EXOSC6: variants seen among roughly 807,000 people sequenced by gnomAD.
EXOSC6 encodes exosome component 6.
A neutral mutation model predicts 16.7 loss-of-function variants in EXOSC6; 21 were observed. The observed-to-expected ratio is 1.26, with a 90% CI of 0.89 to 1.82. The LOEUF is 1.82. Ranked by LOEUF, EXOSC6 falls within the 40% of genes most tolerant of loss-of-function variation. The pLI is 0.00. For missense variants in EXOSC6, 538 were observed against 415.7 expected, an observed-to-expected ratio of 1.29 and a Z score of -2.56; for synonymous variants, 297 against 217.1, an observed-to-expected ratio of 1.37 and a Z score of -3.24.
rs1277010694 is a variant in EXOSC6 at position 70,247,840 on chromosome 16, A to C, written c.*3242T>G. 6.6e-6 allele frequency: 1 copy of C among 152,226 alleles called. No homozygotes were observed. The allele number at this position is 152,226 out of a possible 1,614,324, so 9.4% of individuals were successfully genotyped here. On this transcript the variant is annotated 3_prime_UTR_variant, in exon 1 of 1. Coordinates refer to ENST00000435634, the MANE Select transcript of EXOSC6 (RefSeq NM_058219.3). ...GAGGACGAGGCAGGTGGATCACTTG[A>C]GGTCAGGAGTTCAAGACCAGTCTGG... is the stretch of plus-strand genomic sequence containing the variant.
In EXOSC6 at chr16:70,251,820, C is replaced by T; in HGVS notation, c.81G>A (p.Ala27=). The change falls in exon 1 of 1, where the codon GCG becomes GCA. Residue 27 remains alanine (A), a synonymous_variant. Transcript: ENST00000435634. The part of the protein sequence containing the change: ...PQLYAADEEE[A]PGTRDPTRLR... ...GCCGCGTTGGGTCGCGGGTGCCGGGCGCCTCCTCCTCGTCGGCCGCGTACA... is the reference window on the plus strand; with the variant it reads ...GCCGCGTTGGGTCGCGGGTGCCGGGTGCCTCCTCCTCGTCGGCCGCGTACA... 2 of 1,530,620 alleles carry T rather than the reference C, an allele frequency of 1.3e-6. No homozygotes were observed. Among genetic ancestry groups the T allele is most frequent in the Non-Finnish European group, 1.7e-6 (2 of 1,149,364 alleles). 94.8% of individuals were successfully genotyped at this position (1,530,620 alleles called of 1,614,324 possible).
In EXOSC6 at chr16:70,250,722, G is replaced by A. The variant is rs1597430105; in HGVS notation, c.*360C>T. ...GAAGAAAAGAAAATTAGCCAGGTGT[G>A]GTTGCATGCACCTGTAGTCCCAGCA... On this transcript the variant is annotated 3_prime_UTR_variant, in exon 1 of 1. Coordinates refer to ENST00000435634, the MANE Select transcript of EXOSC6 (RefSeq NM_058219.3). The A allele has an allele frequency of 4.1e-6, 1 of 245,748 alleles. No homozygotes were observed. Among genetic ancestry groups the A allele is most frequent in the African/African-American group, 2.3e-5 (1 of 43,650 alleles). 15.2% of individuals were successfully genotyped at this position (245,748 alleles called of 1,614,324 possible).
rs1469033315 is a variant in EXOSC6 at position 70,248,833 on chromosome 16, C to A, written c.*2249G>T. 2 of 124,862 alleles carry A rather than the reference C, an allele frequency of 1.6e-5. No homozygotes were observed. The highest frequency in any genetic ancestry group is 2.0e-4 in the Admixed American group (2 of 9,814). The allele number at this position is 124,862 out of a possible 1,614,324, so 7.7% of individuals were successfully genotyped here. A position where few individuals can be genotyped will look rare whatever the true frequency, so the allele number is the denominator to read the frequency against. On this transcript the variant is annotated 3_prime_UTR_variant, in exon 1 of 1. Coordinates refer to ENST00000435634, the MANE Select transcript of EXOSC6 (RefSeq NM_058219.3). ...GTTTCACCTTGTTGCCCAGGCTGGT[C>A]TCAAACTCCTGGACTCAGGCGATTC...
chr16:70,249,534 G>A lies in EXOSC6; in HGVS notation c.*1548C>T, dbSNP rs1959760345. ...TTTGGGGCACGTTAGCAAACCAAAA[G>A]GCTCAGAAAGACGTCGTGATATTTA... On this transcript the variant is annotated 3_prime_UTR_variant, in exon 1 of 1. Coordinates refer to ENST00000435634, the MANE Select transcript of EXOSC6 (RefSeq NM_058219.3). 6.6e-6 allele frequency: 1 copy of A among 152,186 alleles called. No homozygotes were observed. The highest frequency in any genetic ancestry group is 1.9e-4 in the East Asian group (1 of 5,206). The allele number at this position is 152,186 out of a possible 1,614,324, so 9.4% of individuals were successfully genotyped here.
Position 70,251,181 on chromosome 16 carries a change from G to C in EXOSC6, c.720C>G (p.Ala240=). The change falls in exon 1 of 1, where the codon GCC becomes GCG. Residue 240 remains alanine, a synonymous_variant. Coordinates refer to ENST00000435634, the MANE Select transcript of EXOSC6 (RefSeq NM_058219.3). The stretch of plus-strand genomic sequence containing the variant: ...GGCAGCCCTCGAGGCCCAGGCGTAC[G>C]GCCTCCGCCCAGCTCTCTGTCAGGC... ...EGGLTESWAE[A]VRLGLEGCQR... 1.3e-6 allele frequency: 2 copies of C among 1,523,682 alleles called. No homozygotes were observed. The highest frequency in any genetic ancestry group is 1.7e-6 in the Non-Finnish European group (2 of 1,144,268). 94.4% of individuals were successfully genotyped at this position (1,523,682 alleles called of 1,614,324 possible). A position where few individuals can be genotyped will look rare whatever the true frequency, so the allele number is the denominator to read the frequency against.
rs577760743 is a variant in EXOSC6 at position 70,249,523 on chromosome 16, G to A, written c.*1559C>T. 1.4e-4 allele frequency: 21 copies of A among 152,276 alleles called. No individual in the cohort carries two copies. The highest frequency in any genetic ancestry group is 1.2e-3 in the Admixed American group (18 of 15,298). 9.4% of individuals were successfully genotyped at this position (152,276 alleles called of 1,614,324 possible). A position where few individuals can be genotyped will look rare whatever the true frequency, so the allele number is the denominator to read the frequency against. ...TGGAATAAGAATTTGGGGCACGTTA[G>A]CAAACCAAAAGGCTCAGAAAGACGT... On this transcript the variant is annotated 3_prime_UTR_variant, in exon 1 of 1. Coordinates refer to ENST00000435634, the MANE Select transcript of EXOSC6 (RefSeq NM_058219.3).
In EXOSC6 at chr16:70,250,921, A is replaced by C. The variant is rs1959799285; in HGVS notation, c.*161T>G. 1.1e-6 allele frequency: 1 copy of C among 895,386 alleles called. No homozygotes were observed. The highest frequency in any genetic ancestry group is 2.6e-5 in the South Asian group (1 of 38,900). The allele number at this position is 895,386 out of a possible 1,614,324, so 55.5% of individuals were successfully genotyped here. ...TCATTCCAAGTAGTCCCTGCTCCAG[A>C]CCAAGTCCCACCATCTGGCAGTCAG... On this transcript the variant is annotated 3_prime_UTR_variant, in exon 1 of 1. Transcript: ENST00000435634.
rs1959730689 is a variant in EXOSC6, at chr16:70,248,197, T to C, written c.*2885A>G. ...ATTTGAATATAGAACACATATGTAA[T>C]AAAATTCATTTTCTTAGGTATGATT... On this transcript the variant is annotated 3_prime_UTR_variant, in exon 1 of 1. Transcript: ENST00000435634. The C allele has an allele frequency of 6.6e-6, 1 of 152,164 alleles. No individual in the cohort carries two copies. The allele number at this position is 152,164 out of a possible 1,614,324, so 9.4% of individuals were successfully genotyped here.
Position 70,247,808 on chromosome 16 carries a change from A to C in EXOSC6, c.*3274T>G, listed in dbSNP as rs1318958138. Reference sequence around the variant, plus strand: ...AGTGGCTCACACCTGTAACCCCAGCACTTTGGGAGGACGAGGCAGGTGGAT... The same window carrying C: ...AGTGGCTCACACCTGTAACCCCAGCCCTTTGGGAGGACGAGGCAGGTGGAT... On this transcript the variant is annotated 3_prime_UTR_variant, in exon 1 of 1. Transcript: ENST00000435634. The C allele has an allele frequency of 6.6e-6, 1 of 152,256 alleles. No individual in the cohort carries two copies. The highest frequency in any genetic ancestry group is 1.9e-4 in the East Asian group (1 of 5,206). The allele number at this position is 152,256 out of a possible 1,614,324, so 9.4% of individuals were successfully genotyped here. A position where few individuals can be genotyped will look rare whatever the true frequency, so the allele number is the denominator to read the frequency against.
rs892868527 is a variant in EXOSC6 at position 70,249,555 on chromosome 16, A to G, written c.*1527T>C. The G allele has an allele frequency of 1.3e-5, 2 of 152,210 alleles. No homozygotes were observed. The highest frequency in any genetic ancestry group is 1.5e-5 in the Non-Finnish European group (1 of 68,044). The allele number at this position is 152,210 out of a possible 1,614,324, so 9.4% of individuals were successfully genotyped here. On this transcript the variant is annotated 3_prime_UTR_variant, in exon 1 of 1. Coordinates refer to ENST00000435634, the MANE Select transcript of EXOSC6 (RefSeq NM_058219.3). Reference sequence around the variant, plus strand: ...AAAAGGCTCAGAAAGACGTCGTGATATTTAGTTCTTGTCTCCCTCTACAAA... The same window carrying G: ...AAAAGGCTCAGAAAGACGTCGTGATGTTTAGTTCTTGTCTCCCTCTACAAA...
In EXOSC6 at chr16:70,251,750, C is replaced by G. The variant is rs1426121508; in HGVS notation, c.151G>C (p.Gly51Arg). The change falls in exon 1 of 1, where the codon GGC (glycine) becomes CGC (arginine). Residue 51 changes from glycine to arginine, a missense_variant. Coordinates refer to ENST00000435634, the MANE Select transcript of EXOSC6 (RefSeq NM_058219.3). The part of the protein sequence containing the change: ...ARAGLLSQAK[G>R]SAYLEAGGTK... ...CCTCCCGCCTCCAGGTAGGCCGAGC[C>G]CTTGGCCTGGCTCAGCAGCCCGGCG... 2 of 1,423,860 alleles carry G rather than the reference C, an allele frequency of 1.4e-6. No homozygotes were observed. The highest frequency in any genetic ancestry group is 1.5e-5 in the African/African-American group (1 of 66,368). 88.2% of individuals were successfully genotyped at this position (1,423,860 alleles called of 1,614,324 possible). A position where few individuals can be genotyped will look rare whatever the true frequency, so the allele number is the denominator to read the frequency against.
Position 70,251,726 on chromosome 16 carries a change from C to T in EXOSC6, c.175G>A (p.Gly59Ser). 1.4e-6 allele frequency: 2 copies of T among 1,392,980 alleles called. No homozygotes were observed. Among genetic ancestry groups the T allele is most frequent in the South Asian group, 1.6e-5 (1 of 62,962 alleles). 86.3% of individuals were successfully genotyped at this position (1,392,980 alleles called of 1,614,324 possible). A position where few individuals can be genotyped will look rare whatever the true frequency, so the allele number is the denominator to read the frequency against. The change falls in exon 1 of 1, where the codon GGC (glycine) becomes AGC (serine). Residue 59 changes from glycine (G) to serine (S), a missense_variant. By Grantham distance (56) the Gly-to-Ser change is moderately conservative. Transcript: ENST00000435634. The part of the protein sequence containing the change: ...AKGSAYLEAG[G>S]TKVLCAVSGP... Reference sequence around the variant, plus strand: ...GACACGGCACACAGCACCTTGGTGCCTCCCGCCTCCAGGTAGGCCGAGCCC... The same window carrying T: ...GACACGGCACACAGCACCTTGGTGCTTCCCGCCTCCAGGTAGGCCGAGCCC...
In EXOSC6 at chr16:70,247,546, AAAATT is replaced by A. The variant is rs1959718745; in HGVS notation, c.*3531_*3535del. On this transcript the variant is annotated 3_prime_UTR_variant, in exon 1 of 1. Coordinates refer to ENST00000435634, the MANE Select transcript of EXOSC6 (RefSeq NM_058219.3). ...ACTATATTAGTACTTGCTTCACATT[AAAATT>A]AAAGATCAGTATGGCACCACACATG... The A allele has an allele frequency of 6.6e-6, 1 of 152,218 alleles. No individual in the cohort carries two copies. Among genetic ancestry groups the A allele is most frequent in the Admixed American group, 6.5e-5 (1 of 15,282 alleles). The allele number at this position is 152,218 out of a possible 1,614,324, so 9.4% of individuals were successfully genotyped here. A position where few individuals can be genotyped will look rare whatever the true frequency, so the allele number is the denominator to read the frequency against.
At position 70,251,184 on chromosome 16, in the gene EXOSC6, C is replaced by T; in HGVS notation, c.717G>A (p.Glu239=). The change falls in exon 1 of 1, where the codon GAG becomes GAA. Residue 239 remains glutamate, a synonymous_variant. Transcript: ENST00000435634. The part of the protein sequence containing the change: ...GEGGLTESWA[E]AVRLGLEGCQ... ...AGCCCTCGAGGCCCAGGCGTACGGCCTCCGCCCAGCTCTCTGTCAGGCCGC... is the reference window on the plus strand; with the variant it reads ...AGCCCTCGAGGCCCAGGCGTACGGCTTCCGCCCAGCTCTCTGTCAGGCCGC... 2.6e-6 allele frequency: 4 copies of T among 1,519,482 alleles called. No individual in the cohort carries two copies. Among genetic ancestry groups the T allele is most frequent in the Non-Finnish European group, 3.5e-6 (4 of 1,141,872 alleles). The allele number at this position is 1,519,482 out of a possible 1,614,324, so 94.1% of individuals were successfully genotyped here.
In EXOSC6 at chr16:70,250,665, TCA is replaced by T. The variant is rs1491175317; in HGVS notation, c.*415_*416del. The T allele has an allele frequency of 4.9e-5, 1 of 20,556 alleles. No individual in the cohort carries two copies. Among genetic ancestry groups the T allele is most frequent in the East Asian group, 1.2e-3 (1 of 868 alleles). 1.3% of individuals were successfully genotyped at this position (20,556 alleles called of 1,614,324 possible). On this transcript the variant is annotated 3_prime_UTR_variant, in exon 1 of 1. Transcript: ENST00000435634. ...GCCTGGGCAACAGAACAAGACTCCATCAAAAAAAAAAAAAAAAAAAAAAGAAA... is the reference window on the plus strand; with the variant it reads ...GCCTGGGCAACAGAACAAGACTCCATAAAAAAAAAAAAAAAAAAAAAGAAA...
At position 70,250,062 on chromosome 16, in the gene EXOSC6, G is replaced by T. The variant is rs1226398038; in HGVS notation, c.*1020C>A. The T allele has an allele frequency of 6.6e-6, 1 of 152,116 alleles. No individual in the cohort carries two copies. Among genetic ancestry groups the T allele is most frequent in the Non-Finnish European group, 1.5e-5 (1 of 68,026 alleles). The allele number at this position is 152,116 out of a possible 1,614,324, so 9.4% of individuals were successfully genotyped here. A position where few individuals can be genotyped will look rare whatever the true frequency, so the allele number is the denominator to read the frequency against. Reference sequence around the variant, plus strand: ...ATGGAATGAATACAACTTGCTGGAAGTTCTTAGGAAACAAAATGACTATTC... The same window carrying T: ...ATGGAATGAATACAACTTGCTGGAATTTCTTAGGAAACAAAATGACTATTC... On this transcript the variant is annotated 3_prime_UTR_variant, in exon 1 of 1. Coordinates refer to ENST00000435634, the MANE Select transcript of EXOSC6 (RefSeq NM_058219.3).
chr16:70,251,908 C>T lies in EXOSC6; in HGVS notation c.-8G>A, dbSNP rs527466660. ...GCGGTGATCCCCAGGCATGGCGGTT[C>T]TTGGCGTGCGAACCCCTTCCGCCCA... On this transcript the variant is annotated 5_prime_UTR_variant, in exon 1 of 1. Transcript: ENST00000435634. 2 of 1,516,134 alleles carry T rather than the reference C, an allele frequency of 1.3e-6. No homozygotes were observed. Among genetic ancestry groups the T allele is most frequent in the Middle Eastern group, 2.0e-4 (1 of 5,050 alleles). 93.9% of individuals were successfully genotyped at this position (1,516,134 alleles called of 1,614,324 possible). A position where few individuals can be genotyped will look rare whatever the true frequency, so the allele number is the denominator to read the frequency against.
At position 70,247,365 on chromosome 16, in the gene EXOSC6, C is replaced by G. The variant is rs1200442182; in HGVS notation, c.*3717G>C. ...TGTTAACATTAGTCCTTAATAACATCTGTTTACAATATCCCTAAATGCTCT... is the reference window on the plus strand; with the variant it reads ...TGTTAACATTAGTCCTTAATAACATGTGTTTACAATATCCCTAAATGCTCT... On this transcript the variant is annotated 3_prime_UTR_variant, in exon 1 of 1. Transcript: ENST00000435634. 6.6e-6 allele frequency: 1 copy of G among 152,606 alleles called. No homozygotes were observed. Among genetic ancestry groups the G allele is most frequent in the African/African-American group, 2.4e-5 (1 of 41,458 alleles). The allele number at this position is 152,606 out of a possible 1,614,324, so 9.5% of individuals were successfully genotyped here.
Position 70,251,229 on chromosome 16 carries a change from C to T in EXOSC6, c.672G>A (p.Gly224=), listed in dbSNP as rs908344423. 11 of 1,506,808 alleles carry T rather than the reference C, an allele frequency of 7.3e-6. No homozygotes were observed. Among genetic ancestry groups the T allele is most frequent in the Non-Finnish European group, 9.7e-6 (11 of 1,135,188 alleles). The allele number at this position is 1,506,808 out of a possible 1,614,324, so 93.3% of individuals were successfully genotyped here. A position where few individuals can be genotyped will look rare whatever the true frequency, so the allele number is the denominator to read the frequency against. ...GGCCGCCCTCGCCGCTGCCCAGCAG[C>T]CCGGCCACCTGATTCAGCACAGGCA... is the stretch of plus-strand genomic sequence containing the variant. ...ALMPVLNQVA[G]LLGSGEGGLT... The change falls in exon 1 of 1, where the codon GGG becomes GGA. Residue 224 remains glycine (G), a synonymous_variant. Transcript: ENST00000435634.
Sources: allele counts gnomAD v4.1 joint callset, GRCh38; gene constraint gnomAD v4.1.1; transcripts MANE v1.5; gene names NCBI Gene and HGNC (gene_info 2026-07-23, HGNC 2026-07-21).